Variants in NAALADL2 observed in about 807,000 individuals in gnomAD.
NAALADL2 encodes the protein N-acetylated alpha-linked acidic dipeptidase like 2.
A neutral mutation model predicts 87.2 loss-of-function variants in NAALADL2; 76 were observed. The observed-to-expected ratio is 0.87, with a 90% confidence interval of 0.72 to 1.05. The LOEUF is 1.05. Among genes scored for constraint, NAALADL2 ranks in the 50% least tolerant of loss-of-function variants. The pLI, the probability that NAALADL2 is intolerant of heterozygous loss-of-function variation, is 0.00. For synonymous variants in NAALADL2, 354 were observed against 331.0 expected, an observed-to-expected ratio of 1.07 and a Z score of -0.75; for missense variants, 1,089 against 945.8, an observed-to-expected ratio of 1.15 and a Z score of -1.99.
intron 1 of NAALADL2, among the ~76,000 whole-genome samples, chr3:174,917,954 A>G (rs936304253): frequency 1.3e-5 from 2 of 152,128 alleles, no homozygotes; most frequent in African/African-American, 4.8e-5. Flanking sequence ...ATTTTCAAGA[A>G]TGTTTGTAGA....
chr3:174,540,719 T>C (rs1030428663), intron 1 of NAALADL2: 4 of 152,182 alleles, frequency 2.6e-5, no homozygotes, highest in Non-Finnish European at 4.4e-5. Flanking sequence ...CTGTTTTCCT[T>C]TAATAAAGCT....
At position 175,809,661 on chromosome 3, in the gene NAALADL2, A is replaced by C. The variant is rs1470368993; in HGVS notation, c.*6458A>C. On this transcript the variant is annotated 3_prime_UTR_variant, in exon 14 of 14. Transcript: ENST00000454872. ...AGCTGCAGTGAGCTAAAATCATGCC[A>C]CTGTAGTCCAGCCTGTGTAACAGAA... 1.3e-5 allele frequency: 2 copies of C among 151,906 alleles called. No homozygotes were observed. The highest frequency in any genetic ancestry group is 4.8e-5 in the African/African-American group (2 of 41,396). The allele number at this position is 151,906 out of a possible 1,614,324, so 9.4% of individuals were successfully genotyped here.
At chr3:175,548,102 G>A (rs746231105) in intron 9 of NAALADL2, among the ~76,000 whole-genome samples, 4 of 151,988 alleles carry the variant, frequency 2.6e-5, no homozygotes, top group Non-Finnish European at 4.4e-5. Flanking sequence ...ACATGCACAC[G>A]TATGTTCATT....
chr3:174,839,861 G>T (rs112422571), intron 3 of NAALADL2, among the ~76,000 whole-genome samples: 18 of 151,822 alleles, frequency 1.2e-4, no homozygotes, highest in Non-Finnish European at 1.9e-4. Flanking sequence ...ATAGTTGTTC[G>T]CATGGATGCG....
chr3:174,514,600 A>G (rs533354821), intron 1 of NAALADL2, among the ~76,000 whole-genome samples: 1 of 152,318 alleles, frequency 6.6e-6, no homozygotes, highest in South Asian at 2.1e-4. Context: ...TGTATACATG[A>G]ATAGATGAAG....
At chr3:175,127,442 A>C (rs1051684236) in intron 2 of NAALADL2, among the ~76,000 whole-genome samples, 1 of 152,162 alleles carries the variant, frequency 6.6e-6, no homozygotes. Context: ...ACCTTTGGGC[A>C]TCATAAACTA....
intron 11 of NAALADL2, among the ~76,000 whole-genome samples, chr3:175,653,868 T>C (rs777258618): frequency 1.3e-5 from 2 of 152,180 alleles, no homozygotes; most frequent in Non-Finnish European, 2.9e-5. Context: ...GATGTTGTGT[T>C]TGGGGTCAAC....
chr3:175,092,659 T>G (rs564832474), intron 1 of NAALADL2, among the ~76,000 whole-genome samples: 1 of 151,968 alleles, frequency 6.6e-6, no homozygotes, highest in Non-Finnish European at 1.5e-5. Context: ...TATCATATGT[T>G]GAATATAGAT....
chr3:174,986,886 G>A (rs1335097783), intron 1 of NAALADL2, among the ~76,000 whole-genome samples: 5 of 152,222 alleles, frequency 3.3e-5, no homozygotes, highest in Middle Eastern at 6.8e-3. Flanking sequence ...CTAAAGTAAG[G>A]CTCTGCAGAG....
chr3:174,447,835 A>T (rs1715171373), intron 1 of NAALADL2, among the ~76,000 whole-genome samples: 1 of 152,142 alleles, frequency 6.6e-6, no homozygotes. Flanking sequence ...AAATAAAATA[A>T]AAATAAAAAA....
At chr3:175,721,104 G>A in intron 11 of NAALADL2, among the ~76,000 whole-genome samples, 1 of 152,072 alleles carries the variant, frequency 6.6e-6, no homozygotes, top group East Asian at 1.9e-4. Context: ...GGGCTTTAAT[G>A]AGGTGTGAGC....
intron 3 of NAALADL2, among the ~76,000 whole-genome samples, chr3:174,836,962 G>A (rs762120750): frequency 6.6e-6 from 1 of 151,772 alleles, no homozygotes; most frequent in Non-Finnish European, 1.5e-5. Context: ...AAAATAAAAC[G>A]ATATATGCCA....
intron 13 of NAALADL2, among the ~76,000 whole-genome samples, chr3:175,788,784 A>G (rs1752423476): frequency 6.6e-6 from 1 of 152,204 alleles, no homozygotes; most frequent in Non-Finnish European, 1.5e-5. Flanking sequence ...TCTTACTCAA[A>G]TAATTATATG....
chr3:175,108,176 A>G (rs1308910615), intron 2 of NAALADL2, among the ~76,000 whole-genome samples: 2 of 120,154 alleles, frequency 1.7e-5, no homozygotes, highest in East Asian at 5.5e-4. Flanking sequence ...AGCCTTATAT[A>G]CACAATGTCA....
Position 175,764,222 on chromosome 3 carries a change from T to C in NAALADL2, c.2189+8804T>C, listed in dbSNP as rs567634439. The stretch of plus-strand genomic sequence containing the variant: ...GTATCCCATTTTTCATTCTTATGTA[T>C]GGTATTTCAGCTACATCTTGGCTAA... On this transcript the variant is annotated intron_variant, in intron 13 of 13. Transcript: ENST00000454872. Among the ~76,000 whole-genome samples, 3 of 152,044 alleles carry C rather than the reference T, an allele frequency of 2.0e-5. No individual in the cohort carries two copies. In the South Asian group the frequency reaches 6.2e-4, roughly 32 times the overall value.
chr3:175,130,296 C>T (rs777654804), intron 2 of NAALADL2, among the ~76,000 whole-genome samples: 4 of 151,962 alleles, frequency 2.6e-5, no homozygotes, highest in Non-Finnish European at 5.9e-5. Context: ...CTGTGGGTTG[C>T]CTTTTCATTT....
chr3:175,078,531 AT>A (rs1484743223), intron 1 of NAALADL2, among the ~76,000 whole-genome samples: 1 of 152,200 alleles, frequency 6.6e-6, no homozygotes, highest in African/African-American at 2.4e-5. Flanking sequence ...GTTGTAGAAC[AT>A]TTCATCGTAC....
intron 3 of NAALADL2, among the ~76,000 whole-genome samples, chr3:174,777,403 TA>T (rs1432100107): frequency 6.6e-6 from 1 of 152,160 alleles, no homozygotes; most frequent in African/African-American, 2.4e-5. Flanking sequence ...GAAAATATTT[TA>T]AAAATGTATT....
At chr3:175,125,746 A>G (rs1306314469) in intron 2 of NAALADL2, among the ~76,000 whole-genome samples, 1 of 152,094 alleles carries the variant, frequency 6.6e-6, no homozygotes. Flanking sequence ...ATCCAAGAAC[A>G]TATGTTAAGT....
Sources: allele counts gnomAD v4.1 joint callset (sites outside exome capture counted in the v4.1 genomes callset), GRCh38; gene constraint gnomAD v4.1.1; transcripts MANE v1.5; gene names NCBI Gene and HGNC (gene_info 2026-07-23, HGNC 2026-07-21).